Variants in ATXN1 observed in about 807,000 individuals in gnomAD.
The protein encoded by ATXN1 is ataxin 1.
In ATXN1, 8 loss-of-function variants were observed where a neutral mutation model predicts 56.4. That is an observed-to-expected ratio of 0.14 (90% CI 0.08 to 0.26). The LOEUF (loss-of-function observed/expected upper bound fraction) is 0.26. ATXN1 is among the 10% of genes least tolerant of loss of function. The pLI, the probability that ATXN1 is intolerant of heterozygous loss-of-function variation, is 1.00. For synonymous variants in ATXN1, 514 were observed against 494.6 expected, an observed-to-expected ratio of 1.04 and a Z score of -0.52; for missense variants, 987 against 1,106.5, an observed-to-expected ratio of 0.89 and a Z score of 1.53.
At chr6:16,708,115 A>T (rs867414627) in intron 2 of ATXN1, among the ~76,000 whole-genome samples, 9 of 152,186 alleles carry the variant, frequency 5.9e-5, no homozygotes, top group East Asian at 5.8e-4. Flanking sequence ...AAAGATTTTT[A>T]AAAAAGAAAA....
Position 16,395,947 on chromosome 6 carries a change from G to A in ATXN1, c.-160-67477C>T, listed in dbSNP as rs143793905. ...GAAGAATCACTTGAACCAGGGAGTC[G>A]GAGGTTGCAGTGAGCTGAGATTGTG... On this transcript the variant is annotated intron_variant, in intron 6 of 7. Transcript: ENST00000436367. Among the ~76,000 whole-genome samples the A allele has an allele frequency of 9.6e-3, 1,441 of 149,750 alleles. 12 individuals are homozygous for A. The highest frequency in any genetic ancestry group is 0.014 in the Non-Finnish European group (921 of 67,548).
intron 3 of ATXN1, among the ~76,000 whole-genome samples, chr6:16,608,605 A>G (rs1763052125): frequency 6.6e-6 from 1 of 152,214 alleles, no homozygotes; most frequent in Admixed American, 6.5e-5. Flanking sequence ...CAGCTGCCAA[A>G]TGCCACTGGG....
At chr6:16,387,278 C>G (rs1034437104) in intron 6 of ATXN1, among the ~76,000 whole-genome samples, 32 of 152,170 alleles carry the variant, frequency 2.1e-4, no homozygotes, top group African/African-American at 6.8e-4. Flanking sequence ...ATTAAATTGC[C>G]ATTGCTCCCT....
chr6:16,319,474 G>C (rs1365880681), intron 7 of ATXN1, among the ~76,000 whole-genome samples: 1 of 152,186 alleles, frequency 6.6e-6, no homozygotes, highest in Non-Finnish European at 1.5e-5. Context: ...TGATGCATAA[G>C]GGATTTTTAG....
rs1166229676 is a variant in ATXN1 at position 16,305,025 on chromosome 6, A to T, written c.*1304T>A. 1 of 152,696 alleles carries T rather than the reference A, an allele frequency of 6.5e-6. No homozygotes were observed. The highest frequency in any genetic ancestry group is 1.5e-5 in the Non-Finnish European group (1 of 68,058). 9.5% of individuals were successfully genotyped at this position (152,696 alleles called of 1,614,324 possible). A position where few individuals can be genotyped will look rare whatever the true frequency, so the allele number is the denominator to read the frequency against. The stretch of plus-strand genomic sequence containing the variant: ...ACATTCATCCCTTTAAACCACATTG[A>T]AACTTTCAATATCTTGCTCTTCAGC... On this transcript the variant is annotated 3_prime_UTR_variant, in exon 8 of 8. Coordinates refer to ENST00000436367, the MANE Select transcript of ATXN1 (RefSeq NM_001128164.2).
At position 16,327,426 on chromosome 6, in the gene ATXN1, G is replaced by C; in HGVS notation, c.885C>G (p.Asp295Glu). The C allele has an allele frequency of 1.9e-6, 3 of 1,613,774 alleles. No homozygotes were observed. The highest frequency in any genetic ancestry group is 2.5e-6 in the Non-Finnish European group (3 of 1,179,988). The part of the protein sequence containing the change: ...PPSQVVMQYA[D>E]SGSHFVPREA... ...CCCGAGGGACAAAGTGGCTGCCGGA[G>C]TCGGCGTATTGCATGACGACCTGGG... Residue 295 changes from aspartate (D) to glutamate (E), a missense_variant, in exon 7 of 8, where the codon GAC becomes GAG. Physicochemically the swap from Asp to Glu is conservative, Grantham distance 45 (BLOSUM62 2). This residue lies in a region of ATXN1 where 723 missense variants were observed against 791.7 expected (regional missense o/e 0.91). Coordinates refer to ENST00000436367, the MANE Select transcript of ATXN1 (RefSeq NM_001128164.2).
rs142477613 is a variant in ATXN1, at chr6:16,397,007, C to T, written c.-160-68537G>A. ...GCTGTACCATCTAGGCTTGGGTGAA[C>T]ACACTTTATGATATTTGCAGAAGGA... On this transcript the variant is annotated intron_variant, in intron 6 of 7. Coordinates refer to ENST00000436367, the MANE Select transcript of ATXN1 (RefSeq NM_001128164.2). Among the ~76,000 whole-genome samples the T allele has an allele frequency of 1.0e-2, 1,517 of 152,266 alleles. 17 individuals carry two copies. The highest frequency in any genetic ancestry group is 0.034 in the African/African-American group (1,421 of 41,552).
intron 3 of ATXN1, among the ~76,000 whole-genome samples, chr6:16,593,519 A>T (rs1762760639): frequency 6.6e-6 from 1 of 152,174 alleles, no homozygotes; most frequent in African/African-American, 2.4e-5. Context: ...CCTATTTGAG[A>T]ACTAGACATT....
intron 6 of ATXN1, among the ~76,000 whole-genome samples, chr6:16,449,248 G>C (rs1159719127): frequency 6.6e-6 from 1 of 152,166 alleles, no homozygotes; most frequent in Non-Finnish European, 1.5e-5. Context: ...TAACGGCCAA[G>C]ACCAGACAAA....
intron 3 of ATXN1, among the ~76,000 whole-genome samples, chr6:16,655,712 A>T (rs151272055): frequency 0.024 from 3,720 of 151,996 alleles, 136 homozygotes; most frequent in African/African-American, 0.076. Flanking sequence ...ATAAATAAAT[A>T]AATTAAAATT....
At chr6:16,642,953 T>A (rs958659691) in intron 3 of ATXN1, among the ~76,000 whole-genome samples, 3 of 152,180 alleles carry the variant, frequency 2.0e-5, no homozygotes, top group African/African-American at 7.2e-5. Context: ...GCTTTACTGC[T>A]GTGGTCTATA....
intron 2 of ATXN1, among the ~76,000 whole-genome samples, chr6:16,725,370 G>C (rs946977415): frequency 6.6e-6 from 1 of 152,130 alleles, no homozygotes; most frequent in Non-Finnish European, 1.5e-5. Flanking sequence ...AAAACATCCA[G>C]AGAAAAGCAT....
chr6:16,622,002 G>A (rs1294539342), intron 3 of ATXN1, among the ~76,000 whole-genome samples: 1 of 152,172 alleles, frequency 6.6e-6, no homozygotes, highest in East Asian at 1.9e-4. Flanking sequence ...ACCTCAAAGA[G>A]TTGTTGGGCT....
rs1430361473 is a variant in ATXN1, at chr6:16,682,160, T to A, written c.-614-24259A>T. On this transcript the variant is annotated intron_variant, in intron 2 of 7. Coordinates refer to ENST00000436367, the MANE Select transcript of ATXN1 (RefSeq NM_001128164.2). The stretch of plus-strand genomic sequence containing the variant: ...ATTCCCAGGCCTCAGCATCACCCCC[T>A]ACCCAAGCACTTGGATAATTCAGTA... 6.0e-5 allele frequency among the ~76,000 whole-genome samples: 9 copies of A among 151,224 alleles called. No individual in the cohort carries two copies. In the South Asian group the frequency reaches 1.3e-3, roughly 21 times the overall value.
At chr6:16,405,208 A>C (rs1177045569) in intron 6 of ATXN1, among the ~76,000 whole-genome samples, 1 of 152,246 alleles carries the variant, frequency 6.6e-6, no homozygotes, top group Non-Finnish European at 1.5e-5. Context: ...TCACAGGCAC[A>C]AACAACTCTG....
intron 3 of ATXN1, among the ~76,000 whole-genome samples, chr6:16,597,695 C>T (rs1443012669): frequency 6.7e-6 from 1 of 150,340 alleles, no homozygotes; most frequent in Non-Finnish European, 1.5e-5. Context: ...CCGCCTCGGC[C>T]TCCCAAGGTG....
chr6:16,426,517 A>G, intron 6 of ATXN1, among the ~76,000 whole-genome samples: 1 of 152,124 alleles, frequency 6.6e-6, no homozygotes, highest in Non-Finnish European at 1.5e-5. Flanking sequence ...GGTCTTAGCC[A>G]AGGAGTAAAA....
At chr6:16,602,602 C>T (rs1011436034) in intron 3 of ATXN1, among the ~76,000 whole-genome samples, 6 of 152,088 alleles carry the variant, frequency 3.9e-5, no homozygotes, top group Non-Finnish European at 8.8e-5. Flanking sequence ...CAGGCGCAGG[C>T]CACCATGCCC....
chr6:16,351,049 A>G (rs1370431364), intron 6 of ATXN1, among the ~76,000 whole-genome samples: 1 of 152,188 alleles, frequency 6.6e-6, no homozygotes, highest in East Asian at 1.9e-4. Flanking sequence ...AGATCGCGGC[A>G]CTGCACTCCA....
Sources: allele counts gnomAD v4.1 joint callset (sites outside exome capture counted in the v4.1 genomes callset), GRCh38; gene constraint gnomAD v4.1.1; regional missense constraint gnomAD v4.1.1; transcripts MANE v1.5; gene names NCBI Gene and HGNC (gene_info 2026-07-23, HGNC 2026-07-21).